The following HYDIN variants were observed in gnomAD, a reference collection of about 807,000 sequenced individuals.
HYDIN encodes the protein HYDIN axonemal central pair apparatus protein.
In HYDIN, 132 loss-of-function variants were observed where a neutral mutation model predicts 403.9. The observed-to-expected ratio is 0.33, with a 90% CI of 0.28 to 0.38. The LOEUF (loss-of-function observed/expected upper bound fraction) is 0.38, where lower values mean the gene tolerates loss of function less well. Ranked by LOEUF, HYDIN falls within the 10% of genes least tolerant of loss-of-function variation. The pLI, the probability that HYDIN is intolerant of heterozygous loss-of-function variation, is 1.00. For missense variants in HYDIN, 2,827 were observed against 5,009.5 expected (o/e 0.56, Z 13.15); for synonymous variants, 1,202 against 1,891.7 (o/e 0.64, Z 9.46).
chr16:70,879,907 C>T, intron 60 of HYDIN, 151 bp from the exon 61 acceptor site: 3 of 442,148 alleles, frequency 6.8e-6, no homozygotes, highest in Admixed American at 4.3e-5. Flanking sequence ...GAGGGAACAG[C>T]CTGGGACCCA....
At chr16:71,017,205 C>T (rs370203917) in intron 23 of HYDIN, among the ~76,000 whole-genome samples, 1 of 150,540 alleles carries the variant, frequency 6.6e-6, no homozygotes, top group South Asian at 2.1e-4. Flanking sequence ...AAAAAAATTG[C>T]CAGGCGTGGT....
At chr16:71,228,643 A>C (rs1284403887) in intron 1 of HYDIN, among the ~76,000 whole-genome samples, 2 of 152,254 alleles carry the variant, frequency 1.3e-5, no homozygotes, top group African/African-American at 2.4e-5. Context: ...GCGATTAAAA[A>C]GTCAGGAAAA....
chr16:70,943,984 T>C, intron 41 of HYDIN, 35 bp from the exon 42 acceptor site: 2 of 1,514,696 alleles, frequency 1.3e-6, no homozygotes, highest in Non-Finnish European at 1.8e-6. Flanking sequence ...AGTCAGAATC[T>C]GGCCTTGTAT....
intron 12 of HYDIN, among the ~76,000 whole-genome samples, chr16:71,082,077 C>G (rs1448449747): frequency 6.6e-6 from 1 of 150,726 alleles, no homozygotes. Context: ...TTATGCAGTA[C>G]TGAGAAATGA....
intron 37 of HYDIN, among the ~76,000 whole-genome samples, chr16:70,963,049 A>G (rs1189917315): frequency 6.6e-6 from 1 of 152,100 alleles, no homozygotes; most frequent in African/African-American, 2.4e-5. Context: ...GGGGAGCACC[A>G]AGGCCTTCTC....
Position 71,031,535 on chromosome 16 carries a change from G to A in HYDIN, c.2768+144C>T, listed in dbSNP as rs530658559. 2.3e-4 allele frequency: 308 copies of A among 1,338,506 alleles called. No individual in the cohort carries two copies. In the African/African-American group the frequency reaches 4.3e-3, roughly 19 times the overall value. The allele number at this position is 1,338,506 out of a possible 1,614,324, so 82.9% of individuals were successfully genotyped here. A position where few individuals can be genotyped will look rare whatever the true frequency, so the allele number is the denominator to read the frequency against. On this transcript the variant is annotated intron_variant, in intron 19 of 85. Coordinates refer to ENST00000393567, the MANE Select transcript of HYDIN (RefSeq NM_001270974.2). ...TTCTTGTTGCTGACATACACATCAGGAGGTGGAAGAGTGAGGATGGGAAAG... is the reference window on the plus strand; with the variant it reads ...TTCTTGTTGCTGACATACACATCAGAAGGTGGAAGAGTGAGGATGGGAAAG...
chr16:70,901,271 T>C (rs2076369835), intron 52 of HYDIN, 69 bp from the exon 53 acceptor site: 3 of 1,332,546 alleles, frequency 2.3e-6, no homozygotes, highest in Non-Finnish European at 3.2e-6. Flanking sequence ...TTTTTTTAAC[T>C]TTTGTTTTAG....
chr16:70,974,606 T>C lies in HYDIN; in HGVS notation c.4837A>G (p.Ile1613Val), dbSNP rs1469963322. 2 of 1,457,160 alleles carry C rather than the reference T, an allele frequency of 1.4e-6. No homozygotes were observed. The highest frequency in any genetic ancestry group is 9.6e-7 in the Non-Finnish European group (1 of 1,045,914). The allele number at this position is 1,457,160 out of a possible 1,614,324, so 90.3% of individuals were successfully genotyped here. ...YIILGEVRTH[I>V]IKIINTSHFP... ...TGACTGGTGTTGATGATCTTGATGA[T>C]GTGGGTTCGGACTTCGCCAAGGATG... Residue 1613 changes from isoleucine to valine, a missense_variant, in exon 32 of 86, where the codon ATC (isoleucine) becomes GTC (valine). Physicochemically the swap from Ile to Val is conservative, Grantham distance 29. Transcript: ENST00000393567.
intron 23 of HYDIN, among the ~76,000 whole-genome samples, chr16:71,003,199 G>T (rs2079778795): frequency 6.6e-6 from 1 of 152,054 alleles, no homozygotes; most frequent in Non-Finnish European, 1.5e-5. Flanking sequence ...AATAAGGCTT[G>T]ATATCTAGGA....
Position 70,905,319 on chromosome 16 carries a change from G to A in HYDIN, c.8517-1255C>T, listed in dbSNP as rs542112125. Reference sequence around the variant, plus strand: ...TTTGTTGCTTTCCCATTTTGCAGATGAGGACACTGAGGCTCAGCACGGTTT... The same window carrying A: ...TTTGTTGCTTTCCCATTTTGCAGATAAGGACACTGAGGCTCAGCACGGTTT... On this transcript the variant is annotated intron_variant, in intron 50 of 85. Coordinates refer to ENST00000393567, the MANE Select transcript of HYDIN (RefSeq NM_001270974.2). Among the ~76,000 whole-genome samples the A allele has an allele frequency of 7.7e-3, 1,173 of 152,004 alleles. 8 individuals are homozygous for A. Among genetic ancestry groups the A allele is most frequent in the Non-Finnish European group, 0.011 (733 of 67,970 alleles).
At chr16:71,134,129 C>G (rs2084818968) in intron 8 of HYDIN, among the ~76,000 whole-genome samples, 1 of 151,978 alleles carries the variant, frequency 6.6e-6, no homozygotes, top group Non-Finnish European at 1.5e-5. Context: ...GAAGAGATAT[C>G]CAAGTCTTTG....
chr16:71,008,377 T>C (rs1263860854), intron 23 of HYDIN, among the ~76,000 whole-genome samples: 1 of 152,174 alleles, frequency 6.6e-6, no homozygotes, highest in Non-Finnish European at 1.5e-5. Flanking sequence ...CGGGTATTCA[T>C]CCTCACTCTC....
At chr16:70,901,271 T>G in intron 52 of HYDIN, 69 bp from the exon 53 acceptor site, 3 of 1,332,664 alleles carry the variant, frequency 2.3e-6, no homozygotes, top group South Asian at 1.3e-5. Context: ...TTTTTTTAAC[T>G]TTTGTTTTAG....
intron 1 of HYDIN, among the ~76,000 whole-genome samples, chr16:71,213,049 G>A (rs2088681300): frequency 6.6e-6 from 1 of 152,062 alleles, no homozygotes; most frequent in South Asian, 2.1e-4. Context: ...TGTAGTGAAA[G>A]GAAAAACTGT....
chr16:71,038,388 C>T (rs2081168388), intron 18 of HYDIN, among the ~76,000 whole-genome samples: 1 of 152,040 alleles, frequency 6.6e-6, no homozygotes, highest in South Asian at 2.1e-4. Flanking sequence ...GAAGTGAACA[C>T]CATTGTTTGC....
At chr16:71,208,949 C>G (rs912754194) in intron 1 of HYDIN, among the ~76,000 whole-genome samples, 1 of 152,118 alleles carries the variant, frequency 6.6e-6, no homozygotes, top group Non-Finnish European at 1.5e-5. Flanking sequence ...GATTCACAGC[C>G]AAATTCTGCC....
chr16:71,005,219 T>C (rs1302690360), intron 23 of HYDIN, among the ~76,000 whole-genome samples: 1 of 152,298 alleles, frequency 6.6e-6, no homozygotes, highest in South Asian at 2.1e-4. Context: ...TTGTCTATAA[T>C]AGAGTTGTTT....
At chr16:71,200,388 A>G (rs754431309) in intron 1 of HYDIN, among the ~76,000 whole-genome samples, 2 of 152,146 alleles carry the variant, frequency 1.3e-5, no homozygotes, top group Non-Finnish European at 2.9e-5. Context: ...ACCCCTTTCC[A>G]GTAACACAGG....
At chr16:70,937,979 G>T (rs2077546337) in intron 44 of HYDIN, among the ~76,000 whole-genome samples, 1 of 152,178 alleles carries the variant, frequency 6.6e-6, no homozygotes. Flanking sequence ...AGGCATGGGG[G>T]GATCGAGTAG....
Sources: allele counts gnomAD v4.1 joint callset (sites outside exome capture counted in the v4.1 genomes callset), GRCh38; gene constraint gnomAD v4.1.1; transcripts MANE v1.5; gene names NCBI Gene and HGNC (gene_info 2026-07-23, HGNC 2026-07-21).